The following TGM7 variants were observed in gnomAD, a reference collection of about 807,000 sequenced individuals.
The protein encoded by TGM7 is protein-glutamine gamma-glutamyltransferase Z.
Under a neutral mutation model 79.5 loss-of-function variants are expected in TGM7, and 74 were observed. That is an observed-to-expected ratio of 0.93 (90% CI 0.77 to 1.13). The LOEUF is 1.13. Ranked by LOEUF, TGM7 falls within the 50% of genes most tolerant of loss-of-function variation. TGM7 has a pLI of 0.00. For synonymous variants in TGM7, 354 were observed against 362.5 expected, an observed-to-expected ratio of 0.98 and a Z score of 0.27; for missense variants, 912 against 905.9, an observed-to-expected ratio of 1.01 and a Z score of -0.09.
intron 1 of TGM7, among the ~76,000 whole-genome samples, chr15:43,300,486 T>C (rs1347185479): frequency 1.3e-5 from 2 of 152,226 alleles, no homozygotes; most frequent in Non-Finnish European, 2.9e-5. Context: ...AGTAAGTGAA[T>C]ATTGTGCTTT....
intron 4 of TGM7, among the ~76,000 whole-genome samples, chr15:43,288,130 G>A (rs912257470): frequency 6.6e-6 from 1 of 152,226 alleles, no homozygotes; most frequent in Non-Finnish European, 1.5e-5. Flanking sequence ...AGGGCCACAC[G>A]TGCCAGTCTT....
At chr15:43,279,391 T>A (rs769170141) in intron 10 of TGM7, 114 bp from the exon 11 acceptor site, 62 of 1,270,244 alleles carry the variant, frequency 4.9e-5, no homozygotes, top group Non-Finnish European at 6.7e-5. Context: ...AAAGTGTGTG[T>A]GAGAGACAGA....
chr15:43,293,476 C>T lies in TGM7; in HGVS notation c.166G>A (p.Asp56Asn), dbSNP rs978034198. 6 of 1,608,314 alleles carry T rather than the reference C, an allele frequency of 3.7e-6. No individual in the cohort carries two copies. Among genetic ancestry groups the T allele is most frequent in the Non-Finnish European group, 5.1e-6 (6 of 1,177,060 alleles). Residue 56 changes from aspartate (D) to asparagine (N), a missense_variant, in exon 2 of 13, where the codon GAC becomes AAC. Asp to Asn is a conservative substitution (Grantham distance 23). Transcript: ENST00000452443. ...GTCTCAGCCACAAAGGTGATGTGGT[C>T]GTTCTGGGACTGGAAGGGTCGGCTG... is the stretch of plus-strand genomic sequence containing the variant. ...SFSRPFQSQN[D>N]HITFVAETGP...
chr15:43,276,493 A>C lies in TGM7; in HGVS notation c.2095T>G (p.Tyr699Asp). 6.2e-7 allele frequency: 1 copy of C among 1,614,056 alleles called. No homozygotes were observed. The highest frequency in any genetic ancestry group is 1.3e-5 in the African/African-American group (1 of 75,032). ...GCCACAGTGACGAAGATGTCCTTGT[A>C]GCCTTTGATCTCCTTGACCTCGTTG... Reference protein sequence around the residue: ...SSNEVKEIKGYKDIFVTVAGA... With the variant: ...SSNEVKEIKGDKDIFVTVAGA... The change falls in exon 13 of 13, where the codon TAC (tyrosine) becomes GAC (aspartate). Residue 699 changes from tyrosine to aspartate, a missense_variant. Physicochemically the swap from Tyr to Asp is radical, Grantham distance 160 (BLOSUM62 -3). Coordinates refer to ENST00000452443, the MANE Select transcript of TGM7 (RefSeq NM_052955.3).
In TGM7 at chr15:43,292,852, T is replaced by A; in HGVS notation, c.296A>T (p.Asn99Ile). The change falls in exon 3 of 13, where the codon AAC becomes ATC. Residue 99 changes from asparagine (N) to isoleucine (I), a missense_variant. Asn to Ile is a moderately radical substitution (Grantham distance 149). Transcript: ENST00000452443. ...WSASDFTIDS[N>I]SLQVSLFTPA... ...TGTGAAAAGGGAAACTTGGAGAGAG[T>A]TGGAGTCAATGGTGAAATCAGAAGC... is the stretch of plus-strand genomic sequence containing the variant. The A allele has an allele frequency of 6.2e-7, 1 of 1,613,682 alleles. No homozygotes were observed. The highest frequency in any genetic ancestry group is 8.5e-7 in the Non-Finnish European group (1 of 1,179,976).
At chr15:43,295,120 T>C (rs145072763) in intron 1 of TGM7, among the ~76,000 whole-genome samples, 1 of 152,326 alleles carries the variant, frequency 6.6e-6, no homozygotes, top group Non-Finnish European at 1.5e-5. Context: ...CCCAGGTTGA[T>C]AGATTCTGAT....
At chr15:43,301,262 C>T (rs955594373) in intron 1 of TGM7, among the ~76,000 whole-genome samples, 2 of 151,336 alleles carry the variant, frequency 1.3e-5, no homozygotes, top group Non-Finnish European at 2.9e-5. Flanking sequence ...GGATTACAGG[C>T]CTGTGCCACC....
At chr15:43,284,286 G>A (rs1217041632) in intron 7 of TGM7, among the ~76,000 whole-genome samples, 1 of 152,068 alleles carries the variant, frequency 6.6e-6, no homozygotes, top group Non-Finnish European at 1.5e-5. Flanking sequence ...GTAGAGCTGA[G>A]AACAAAGGAA....
chr15:43,276,860 A>C lies in TGM7; in HGVS notation c.1973+2T>G, dbSNP rs531886999. ...GGGGAGGTGGGCAGAAGCGTCACTT[A>C]CTCCTTTGCTATCTGCCCATTGATG... is the stretch of plus-strand genomic sequence containing the variant. On this transcript the variant is annotated splice_donor_variant, in intron 12 of 12. Transcript: ENST00000452443. LOFTEE classifies it high-confidence loss of function. 1.2e-6 allele frequency: 2 copies of C among 1,613,454 alleles called. No homozygotes were observed. The highest frequency in any genetic ancestry group is 1.7e-6 in the Non-Finnish European group (2 of 1,179,722).
intron 1 of TGM7, among the ~76,000 whole-genome samples, chr15:43,301,709 G>A (rs2142426735): frequency 1.3e-5 from 2 of 152,220 alleles, no homozygotes; most frequent in Middle Eastern, 6.8e-3. Flanking sequence ...GTGTTGGCCA[G>A]GCTGGCCCAG....
In TGM7 at chr15:43,287,446, G is replaced by T; in HGVS notation, c.699C>A (p.Asn233Lys). 3 of 1,614,056 alleles carry T rather than the reference G, an allele frequency of 1.9e-6. No individual in the cohort carries two copies. Among genetic ancestry groups the T allele is most frequent in the Non-Finnish European group, 2.5e-6 (3 of 1,180,028 alleles). ...CRVVSAMINS[N>K]DDNGVLQGNW... ...TCCCCTGCAGCACGCCATTGTCATC[G>T]TTGCTGTTGATCTGCAGAGGACAGA... The change falls in exon 6 of 13, where the codon AAC becomes AAA. Residue 233 changes from asparagine (N) to lysine (K), a missense_variant. By Grantham distance (94) the Asn-to-Lys change is moderately conservative. Coordinates refer to ENST00000452443, the MANE Select transcript of TGM7 (RefSeq NM_052955.3).
chr15:43,290,656 A>T (rs1408206905), intron 4 of TGM7, among the ~76,000 whole-genome samples: 1 of 152,216 alleles, frequency 6.6e-6, no homozygotes, highest in Non-Finnish European at 1.5e-5. Context: ...TACCTTGGGC[A>T]GTATGGCCAT....
intron 1 of TGM7, among the ~76,000 whole-genome samples, chr15:43,297,506 A>ACAAG (rs2043002776): frequency 8.8e-6 from 1 of 113,354 alleles, no homozygotes; most frequent in African/African-American, 4.9e-5. Flanking sequence ...AAAGAAAGAA[A>ACAAG]GAAGGAAGGA....
chr15:43,300,441 G>A (rs1442778311), intron 1 of TGM7, among the ~76,000 whole-genome samples: 2 of 152,182 alleles, frequency 1.3e-5, no homozygotes, highest in Non-Finnish European at 2.9e-5. Context: ...TCTGGCTGGT[G>A]GTACTGGTCT....
At chr15:43,300,794 G>C (rs1420733188) in intron 1 of TGM7, among the ~76,000 whole-genome samples, 7 of 152,176 alleles carry the variant, frequency 4.6e-5, no homozygotes, top group Non-Finnish European at 8.8e-5. Context: ...AATAGAGCAA[G>C]ACTCCGTCTC....
At chr15:43,276,734 T>C (rs900411216) in intron 12 of TGM7, 120 bp from the exon 13 acceptor site, 95 of 1,539,972 alleles carry the variant, frequency 6.2e-5, no homozygotes, top group Non-Finnish European at 8.1e-5. Context: ...AGCTCAGCCT[T>C]TCCTGAGGAG....
At chr15:43,277,027 C>T (rs2042881575) in intron 11 of TGM7, 32 bp from the exon 12 acceptor site, 23 of 1,610,210 alleles carry the variant, frequency 1.4e-5, no homozygotes, top group Non-Finnish European at 2.0e-5. Flanking sequence ...ATCCCATGGG[C>T]AACTGGCCTC....
chr15:43,300,382 G>A (rs1288437601), intron 1 of TGM7, among the ~76,000 whole-genome samples: 1 of 152,222 alleles, frequency 6.6e-6, no homozygotes, highest in African/African-American at 2.4e-5. Context: ...AAGTGGCAAA[G>A]TTGGCATTTA....
intron 7 of TGM7, 84 bp from the exon 8 acceptor site, chr15:43,282,704 ATT>A (rs2042915851): frequency 1.9e-6 from 2 of 1,062,676 alleles, no homozygotes; most frequent in Non-Finnish European, 2.8e-6. Flanking sequence ...GATTTATATC[ATT>A]GTTTCTTTTT....
Sources: gnomAD v4.1 joint callset for allele counts (sites outside exome capture counted in the v4.1 genomes callset) on GRCh38, gnomAD v4.1.1 for gene constraint, MANE v1.5 for transcripts, NCBI Gene and HGNC (gene_info 2026-07-23, HGNC 2026-07-21) for gene names.